Variants in ADORA1 observed in about 807,000 individuals in gnomAD.
The protein encoded by ADORA1 is adenosine A1 receptor.
In ADORA1, 6 loss-of-function variants were observed where a neutral mutation model predicts 19.9. That is an observed-to-expected ratio of 0.30 (90% CI 0.17 to 0.59). The LOEUF (loss-of-function observed/expected upper bound fraction) is 0.59, where lower values mean the gene tolerates loss of function less well. ADORA1 is among the 20% of genes least tolerant of loss of function. The pLI is 0.87. For missense variants in ADORA1, 302 were observed against 439.2 expected, an observed-to-expected ratio of 0.69 and a Z score of 2.79; for synonymous variants, 194 against 188.4, an observed-to-expected ratio of 1.03 and a Z score of -0.24.
intron 3 of ADORA1, among the ~76,000 whole-genome samples, chr1:203,135,006 C>T (rs1384500083): frequency 6.6e-6 from 1 of 152,258 alleles, no homozygotes; most frequent in South Asian, 2.1e-4. Flanking sequence ...CTTAGGGGGG[C>T]CTTCCCTGAG....
At position 203,128,353 on chromosome 1, in the gene ADORA1, T is replaced by A. The variant is rs1273967569; in HGVS notation, c.-137T>A. On this transcript the variant is annotated 5_prime_UTR_variant, in exon 2 of 4. Coordinates refer to ENST00000337894, the MANE Select transcript of ADORA1 (RefSeq NM_000674.3). This position sits in a 1 kb window ranked among gnomAD's most constrained non-coding sequence, Gnocchi z 5.9. The stretch of plus-strand genomic sequence containing the variant: ...CGTTGTCCAGAGCCCAGCCCAGCCC[T>A]ACCGCGCGCGGCCCGGAGCTCTGTT... 4 of 1,289,816 alleles carry A rather than the reference T, an allele frequency of 3.1e-6. No individual in the cohort carries two copies. The highest frequency in any genetic ancestry group is 1.5e-5 in the African/African-American group (1 of 65,870). 79.9% of individuals were successfully genotyped at this position (1,289,816 alleles called of 1,614,324 possible). A position where few individuals can be genotyped will look rare whatever the true frequency, so the allele number is the denominator to read the frequency against.
At chr1:203,158,565 C>T (rs1227088310) in intron 3 of ADORA1, among the ~76,000 whole-genome samples, 1 of 152,194 alleles carries the variant, frequency 6.6e-6, no homozygotes, top group African/African-American at 2.4e-5. Flanking sequence ...TTAGCCTGCT[C>T]CTCCAAACTC....
chr1:203,167,275 C>G lies in ADORA1; in HGVS notation c.*1375C>G, dbSNP rs374070209. 6.6e-6 allele frequency: 1 copy of G among 152,168 alleles called. No individual in the cohort carries two copies. Among genetic ancestry groups the G allele is most frequent in the Non-Finnish European group, 1.5e-5 (1 of 68,138 alleles). The allele number at this position is 152,168 out of a possible 1,614,324, so 9.4% of individuals were successfully genotyped here. ...CGGGGGGCGAGGGAGGGGAGGTGGC[C>G]GTCGAGTTGACCTTCTGAACATGAG... On this transcript the variant is annotated 3_prime_UTR_variant, in exon 4 of 4. Transcript: ENST00000337894.
chr1:203,140,654 G>A (rs1654652557), intron 3 of ADORA1, among the ~76,000 whole-genome samples: 1 of 152,076 alleles, frequency 6.6e-6, no homozygotes, highest in Non-Finnish European at 1.5e-5. Context: ...ACATTCCCAG[G>A]TGCCTTCAGC....
chr1:203,133,948 C>T (rs776133878), intron 3 of ADORA1, among the ~76,000 whole-genome samples: 2 of 152,208 alleles, frequency 1.3e-5, no homozygotes, highest in African/African-American at 2.4e-5. Flanking sequence ...GTCATGCCCC[C>T]GCAGGTGACT....
chr1:203,164,739 C>T (rs1245540901), intron 3 of ADORA1, among the ~76,000 whole-genome samples: 3 of 152,058 alleles, frequency 2.0e-5, no homozygotes, highest in Non-Finnish European at 2.9e-5. Flanking sequence ...TTGTTAATCA[C>T]TTGGGTGTTT....
At position 203,167,083 on chromosome 1, in the gene ADORA1, G is replaced by A. The variant is rs2102184143; in HGVS notation, c.*1183G>A. On this transcript the variant is annotated 3_prime_UTR_variant, in exon 4 of 4. Transcript: ENST00000337894. The stretch of plus-strand genomic sequence containing the variant: ...CTGTTGCAGGTGTCCGGGGGTCTAG[G>A]ACTTTAGGGATCTGGGGAAGGACCA... 6.5e-6 allele frequency: 1 copy of A among 152,676 alleles called. No individual in the cohort carries two copies. Among genetic ancestry groups the A allele is most frequent in the Non-Finnish European group, 1.5e-5 (1 of 68,386 alleles). The allele number at this position is 152,676 out of a possible 1,614,324, so 9.5% of individuals were successfully genotyped here.
chr1:203,160,151 T>C (rs1269819106), intron 3 of ADORA1, among the ~76,000 whole-genome samples: 2 of 152,252 alleles, frequency 1.3e-5, no homozygotes. Flanking sequence ...CTTTTCCTGC[T>C]TTTTCCTGGC....
chr1:203,146,255 C>T (rs1240978337), intron 3 of ADORA1, among the ~76,000 whole-genome samples: 1 of 152,148 alleles, frequency 6.6e-6, no homozygotes, highest in Non-Finnish European at 1.5e-5. Context: ...TTTATTTAGT[C>T]TTGCAAGGCT....
chr1:203,140,389 C>T (rs549261589), intron 3 of ADORA1, among the ~76,000 whole-genome samples: 3 of 152,080 alleles, frequency 2.0e-5, no homozygotes, highest in South Asian at 2.1e-4. Flanking sequence ...TGTGACGATC[C>T]GGGCTTACGG....
At chr1:203,163,106 A>G (rs1044079905) in intron 3 of ADORA1, among the ~76,000 whole-genome samples, 7 of 152,364 alleles carry the variant, frequency 4.6e-5, no homozygotes, top group Admixed American at 2.0e-4. Flanking sequence ...GATGGTCAGG[A>G]ACAAGATGTG....
chr1:203,134,266 C>T (rs1654435081), intron 3 of ADORA1, among the ~76,000 whole-genome samples: 1 of 152,210 alleles, frequency 6.6e-6, no homozygotes, highest in Non-Finnish European at 1.5e-5. Context: ...GAGCTCTTTG[C>T]AGTCACCCGC....
intron 3 of ADORA1, among the ~76,000 whole-genome samples, chr1:203,140,181 T>C (rs1174501858): frequency 6.6e-6 from 1 of 152,180 alleles, no homozygotes; most frequent in Non-Finnish European, 1.5e-5. Flanking sequence ...CTCTGCCTGC[T>C]CTGTGGAGGA....
intron 3 of ADORA1, among the ~76,000 whole-genome samples, chr1:203,151,346 A>ACTTT (rs1655026201): frequency 6.6e-6 from 1 of 152,170 alleles, no homozygotes; most frequent in Non-Finnish European, 1.5e-5. Context: ...AGACTCAGAC[A>ACTTT]CTTTCATCAG....
At chr1:203,149,294 C>G (rs929472381) in intron 3 of ADORA1, among the ~76,000 whole-genome samples, 3 of 152,206 alleles carry the variant, frequency 2.0e-5, no homozygotes, top group African/African-American at 7.2e-5. Context: ...TCATGAGTTT[C>G]CCCCATCCAG....
At chr1:203,158,770 C>T (rs1655272409) in intron 3 of ADORA1, among the ~76,000 whole-genome samples, 1 of 152,114 alleles carries the variant, frequency 6.6e-6, no homozygotes, top group Non-Finnish European at 1.5e-5. Flanking sequence ...CTGAGAAGTC[C>T]AAGATTGAGG....
chr1:203,157,758 T>C (rs1655241566), intron 3 of ADORA1, among the ~76,000 whole-genome samples: 1 of 152,256 alleles, frequency 6.6e-6, no homozygotes, highest in African/African-American at 2.4e-5. Context: ...CTACCACTTG[T>C]GCTCTCTGGA....
intron 3 of ADORA1, among the ~76,000 whole-genome samples, chr1:203,135,856 C>T (rs1654488504): frequency 1.3e-5 from 2 of 152,196 alleles, no homozygotes; most frequent in East Asian, 1.9e-4. Flanking sequence ...TCTCCCTCCC[C>T]AATTTTACCC....
intron 3 of ADORA1, among the ~76,000 whole-genome samples, chr1:203,163,865 A>G (rs1186111447): frequency 6.6e-6 from 1 of 152,208 alleles, no homozygotes; most frequent in Non-Finnish European, 1.5e-5. Flanking sequence ...CTGGGGCGGA[A>G]GGAAACAGTC....
Sources: gnomAD v4.1 joint callset for allele counts (sites outside exome capture counted in the v4.1 genomes callset) on GRCh38, gnomAD v4.1.1 for gene constraint, Gnocchi (gnomAD v3.1) non-coding constraint, MANE v1.5 for transcripts, NCBI Gene and HGNC (gene_info 2026-07-23, HGNC 2026-07-21) for gene names.